The following ADGRL2 variants were observed in gnomAD, a reference collection of about 807,000 sequenced individuals.
ADGRL2 encodes the protein adhesion G protein-coupled receptor L2.
A neutral mutation model predicts 157.4 loss-of-function variants in ADGRL2; 44 were observed. The observed-to-expected ratio is 0.28, with a 90% CI of 0.22 to 0.36. The LOEUF is 0.36. Among genes scored for constraint, ADGRL2 ranks in the 10% least tolerant of loss-of-function variants. The pLI is 1.00. For missense variants in ADGRL2, 1,510 were observed against 1,768.9 expected (o/e 0.85, Z 2.63); for synonymous variants, 585 against 624.7 (o/e 0.94, Z 0.95).
chr1:81,973,603 A>T (rs3790881), intron 17 of ADGRL2, among the ~76,000 whole-genome samples: 2 of 152,112 alleles, frequency 1.3e-5, no homozygotes, highest in African/African-American at 4.8e-5. Context: ...CAACATACTC[A>T]GCTTTTAGTA....
At chr1:81,694,443 T>A (rs1182597179) in intron 3 of ADGRL2, among the ~76,000 whole-genome samples, 2 of 151,930 alleles carry the variant, frequency 1.3e-5, no homozygotes. Flanking sequence ...ATCTGGTACA[T>A]AGTAATAAAA....
intron 2 of ADGRL2, among the ~76,000 whole-genome samples, chr1:81,778,354 C>T (rs1403739456): frequency 2.6e-5 from 4 of 151,718 alleles, no homozygotes; most frequent in Admixed American, 6.6e-5. Flanking sequence ...TATCCCTAAA[C>T]CTGTATTTCT....
In ADGRL2 at chr1:81,968,180, T is replaced by C; in HGVS notation, c.2504T>C (p.Met835Thr). ...CSHLTNFAIL[M>T]AHREIAYKDG... ...CACCTAACCAATTTTGCAATTCTCATGGCCCACAGGGAAATTGCAGTAAGT... is the reference window on the plus strand; with the variant it reads ...CACCTAACCAATTTTGCAATTCTCACGGCCCACAGGGAAATTGCAGTAAGT... The change falls in exon 14 of 24, where the codon ATG (methionine) becomes ACG (threonine). Residue 835 changes from methionine to threonine, a missense_variant. Physicochemically the swap from Met to Thr is moderately conservative, Grantham distance 81 (BLOSUM62 -1). Transcript: ENST00000686636. The C allele has an allele frequency of 1.2e-6, 2 of 1,611,946 alleles. No individual in the cohort carries two copies. The highest frequency in any genetic ancestry group is 1.7e-6 in the Non-Finnish European group (2 of 1,179,508).
chr1:81,397,705 AT>A (rs1421172610), intron 1 of ADGRL2, among the ~76,000 whole-genome samples: 14 of 151,986 alleles, frequency 9.2e-5, no homozygotes, highest in African/African-American at 3.1e-4. Flanking sequence ...ATTCTTTTAA[AT>A]TTGTTGAGAC....
intron 1 of ADGRL2, among the ~76,000 whole-genome samples, chr1:81,430,136 G>A (rs1489449435): frequency 2.6e-5 from 4 of 152,114 alleles, no homozygotes; most frequent in Admixed American, 6.5e-5. Flanking sequence ...CAGGTGATCC[G>A]CCAGCCTGGG....
At chr1:81,731,972 A>G (rs2084741126) in intron 1 of ADGRL2, among the ~76,000 whole-genome samples, 1 of 152,198 alleles carries the variant, frequency 6.6e-6, no homozygotes, top group Non-Finnish European at 1.5e-5. Context: ...CATTGTTCCA[A>G]TGCTCTCGCT....
At chr1:81,800,440 G>A (rs1221186392), upstream of ADGRL2, 1 of 152,066 alleles carries the variant, frequency 6.6e-6, no homozygotes, top group Admixed American at 6.5e-5. Context: ...TACACAAAAG[G>A]AGGGCTACGG....
chr1:81,444,365 G>A (rs577730271), intron 1 of ADGRL2, among the ~76,000 whole-genome samples: 137 of 152,276 alleles, frequency 9.0e-4, no homozygotes, highest in South Asian at 2.3e-3. Flanking sequence ...CCTAACAGGA[G>A]AGTAAATCCC....
At chr1:81,458,978 T>A (rs1338131305) in intron 2 of ADGRL2, among the ~76,000 whole-genome samples, 1 of 151,902 alleles carries the variant, frequency 6.6e-6, no homozygotes, top group Non-Finnish European at 1.5e-5. Flanking sequence ...TTTTATCGAG[T>A]GACAGAAGGA....
intron 23 of ADGRL2, among the ~76,000 whole-genome samples, chr1:81,988,973 C>T (rs1276228112): frequency 1.4e-5 from 2 of 145,596 alleles, no homozygotes; most frequent in Admixed American, 7.0e-5. Flanking sequence ...ACAGACCTAT[C>T]TGTAGACTGT....
chr1:81,733,099 C>T (rs989019979), intron 1 of ADGRL2, among the ~76,000 whole-genome samples: 1 of 152,172 alleles, frequency 6.6e-6, no homozygotes, highest in Non-Finnish European at 1.5e-5. Context: ...CAAAAGTTTG[C>T]TGCAAAAGGT....
chr1:81,530,746 A>G (rs939767461), intron 2 of ADGRL2, among the ~76,000 whole-genome samples: 1 of 152,166 alleles, frequency 6.6e-6, no homozygotes, highest in East Asian at 1.9e-4. Context: ...TAGTATTTTT[A>G]GTACATAGGA....
At chr1:81,510,377 T>G (rs1239463145) in intron 2 of ADGRL2, among the ~76,000 whole-genome samples, 1 of 152,090 alleles carries the variant, frequency 6.6e-6, no homozygotes, top group African/African-American at 2.4e-5. Flanking sequence ...GTAGATTAGG[T>G]CCTAGGTGAG....
chr1:81,444,874 C>A (rs573678749), intron 1 of ADGRL2: 10 of 152,296 alleles, frequency 6.6e-5, no homozygotes, highest in Admixed American at 2.6e-4. Context: ...CATCTAAATT[C>A]TATTCTCTCT....
chr1:81,826,242 A>G (rs2091471426), intron 1 of ADGRL2, among the ~76,000 whole-genome samples: 1 of 152,208 alleles, frequency 6.6e-6, no homozygotes, highest in Non-Finnish European at 1.5e-5. Flanking sequence ...TTCTTTTACC[A>G]TTTCACACTA....
intron 2 of ADGRL2, among the ~76,000 whole-genome samples, chr1:81,456,917 A>G (rs2077819782): frequency 6.6e-6 from 1 of 151,356 alleles, no homozygotes; most frequent in Non-Finnish European, 1.5e-5. Context: ...CTAAGCTTCT[A>G]CTTTATTTTC....
chr1:81,473,158 G>T (rs1020305909), intron 2 of ADGRL2, among the ~76,000 whole-genome samples: 25 of 152,230 alleles, frequency 1.6e-4, no homozygotes, highest in Non-Finnish European at 3.2e-4. Flanking sequence ...GGGAGGGACA[G>T]AGGGGATGGT....
intron 3 of ADGRL2, among the ~76,000 whole-genome samples, chr1:81,646,877 A>G (rs754050240): frequency 6.6e-6 from 1 of 152,196 alleles, no homozygotes; most frequent in Non-Finnish European, 1.5e-5. Flanking sequence ...CACCAGCATT[A>G]CAGGATGATA....
chr1:81,526,814 C>G (rs1173541357), intron 2 of ADGRL2, among the ~76,000 whole-genome samples: 1 of 152,194 alleles, frequency 6.6e-6, no homozygotes, highest in African/African-American at 2.4e-5. Flanking sequence ...TAAATTAAAT[C>G]AGATATTTTT....
Sources: gnomAD v4.1 joint callset for allele counts (sites outside exome capture counted in the v4.1 genomes callset) on GRCh38, gnomAD v4.1.1 for gene constraint, MANE v1.5 for transcripts, NCBI Gene and HGNC (gene_info 2026-07-23, HGNC 2026-07-21) for gene names.